SORCS2: variants seen among roughly 807,000 people sequenced by gnomAD.
SORCS2 encodes the protein VPS10 domain-containing receptor SorCS2.
A neutral mutation model predicts 141.6 loss-of-function variants in SORCS2; 100 were observed. That is an observed-to-expected ratio of 0.71 (90% CI 0.60 to 0.83). The LOEUF (loss-of-function observed/expected upper bound fraction) is 0.83, where lower values mean the gene tolerates loss of function less well. Among genes scored for constraint, SORCS2 ranks in the 40% least tolerant of loss-of-function variants. The pLI is 0.00. For missense variants in SORCS2, 1,646 were observed against 1,560.2 expected, an observed-to-expected ratio of 1.05 and a Z score of -0.93; for synonymous variants, 789 against 676.9, an observed-to-expected ratio of 1.17 and a Z score of -2.57.
intron 11 of SORCS2, among the ~76,000 whole-genome samples, chr4:7,691,769 C>A (rs149060412): frequency 4.5e-4 from 69 of 152,222 alleles, no homozygotes; most frequent in Middle Eastern, 3.4e-3. Flanking sequence ...ATTTAAAATG[C>A]ACTGTCTTGA....
chr4:7,625,968 G>A (rs1292677308), intron 3 of SORCS2, among the ~76,000 whole-genome samples: 6 of 152,038 alleles, frequency 3.9e-5, no homozygotes, highest in African/African-American at 1.4e-4. Context: ...GGGAGACCCT[G>A]TCTCTACAAA....
intron 2 of SORCS2, among the ~76,000 whole-genome samples, chr4:7,403,999 T>TATATATATA (rs57250297): frequency 3.8e-3 from 29 of 7,536 alleles, no homozygotes; most frequent in African/African-American, 8.1e-3. Flanking sequence ...ATATATATAT[T>TATATATATA]TTTTTTTTTT....
intron 2 of SORCS2, among the ~76,000 whole-genome samples, chr4:7,459,811 C>T (rs1417611093): frequency 6.6e-6 from 1 of 152,212 alleles, no homozygotes; most frequent in East Asian, 1.9e-4. Context: ...TCCTGTGAAG[C>T]CAGCCTGGTC....
chr4:7,592,213 C>T (rs1188172178), intron 3 of SORCS2, among the ~76,000 whole-genome samples: 1 of 152,152 alleles, frequency 6.6e-6, no homozygotes, highest in East Asian at 1.9e-4. Flanking sequence ...TGGGCTCCCC[C>T]AACTACCCAC....
intron 1 of SORCS2, among the ~76,000 whole-genome samples, chr4:7,294,058 A>C (rs1394636219): frequency 6.6e-6 from 1 of 152,124 alleles, no homozygotes; most frequent in Non-Finnish European, 1.5e-5. Flanking sequence ...TACCTTCCGG[A>C]AGGTCAGGTA....
chr4:7,365,533 C>T (rs1285873566), intron 1 of SORCS2, among the ~76,000 whole-genome samples: 2 of 152,024 alleles, frequency 1.3e-5, no homozygotes, highest in African/African-American at 4.8e-5. Flanking sequence ...TTTTACAATC[C>T]AGAACAATTT....
intron 1 of SORCS2, among the ~76,000 whole-genome samples, chr4:7,285,433 T>C (rs967943616): frequency 9.9e-5 from 15 of 152,212 alleles, no homozygotes; most frequent in Non-Finnish European, 1.5e-4. Context: ...GGACCAGTCA[T>C]GTAGGAGGCC....
At chr4:7,612,751 T>C (rs16840656) in intron 3 of SORCS2, among the ~76,000 whole-genome samples, 2,575 of 152,312 alleles carry the variant, frequency 0.017, 72 homozygotes, top group African/African-American at 0.056. Flanking sequence ...ATGCACACTC[T>C]ATTATGCTGT....
At chr4:7,550,068 C>T (rs1201857150) in intron 3 of SORCS2, among the ~76,000 whole-genome samples, 3 of 147,278 alleles carry the variant, frequency 2.0e-5, no homozygotes, top group Admixed American at 6.9e-5. Flanking sequence ...GAAATAGCAG[C>T]TCCTCTTCAC....
intron 3 of SORCS2, among the ~76,000 whole-genome samples, chr4:7,593,335 A>G (rs931576187): frequency 2.0e-5 from 3 of 152,218 alleles, no homozygotes; most frequent in Non-Finnish European, 4.4e-5. Context: ...GCTGTTTAAC[A>G]GGGGAGCAGC....
At chr4:7,599,326 G>A (rs1185142790) in intron 3 of SORCS2, among the ~76,000 whole-genome samples, 1 of 152,128 alleles carries the variant, frequency 6.6e-6, no homozygotes, top group African/African-American at 2.4e-5. Flanking sequence ...CTGAAGTGGC[G>A]GTGATCCACG....
At chr4:7,586,085 C>T (rs1189519166) in intron 3 of SORCS2, among the ~76,000 whole-genome samples, 1 of 152,214 alleles carries the variant, frequency 6.6e-6, no homozygotes, top group Non-Finnish European at 1.5e-5. Flanking sequence ...AGGCATTGCT[C>T]TCTCTTTGGC....
At chr4:7,476,317 G>A (rs1448219155) in intron 2 of SORCS2, among the ~76,000 whole-genome samples, 1 of 152,184 alleles carries the variant, frequency 6.6e-6, no homozygotes, top group African/African-American at 2.4e-5. Context: ...GAACCTGTAG[G>A]TCAGGCCTGC....
intron 2 of SORCS2, among the ~76,000 whole-genome samples, chr4:7,529,971 C>G (rs1733921870): frequency 6.6e-6 from 1 of 152,116 alleles, no homozygotes; most frequent in Non-Finnish European, 1.5e-5. Context: ...GGTTGGGGGT[C>G]TGCTCTTTGT....
At chr4:7,684,671 C>T (rs1357604897) in intron 10 of SORCS2, among the ~76,000 whole-genome samples, 1 of 152,242 alleles carries the variant, frequency 6.6e-6, no homozygotes, top group East Asian at 1.9e-4. Context: ...GGTTTATATT[C>T]AGCAAATCTG....
intron 1 of SORCS2, among the ~76,000 whole-genome samples, chr4:7,256,447 T>A (rs1713877796): frequency 1.3e-5 from 2 of 152,140 alleles, no homozygotes. Context: ...GAGACTTGGC[T>A]CCTCAGATGG....
chr4:7,526,003 C>A (rs537239856), intron 2 of SORCS2, among the ~76,000 whole-genome samples: 1 of 127,882 alleles, frequency 7.8e-6, no homozygotes, highest in Non-Finnish European at 1.7e-5. Flanking sequence ...CCTGCAGTCA[C>A]CTGTCCCCTC....
intron 1 of SORCS2, among the ~76,000 whole-genome samples, chr4:7,285,088 A>T (rs1438464154): frequency 6.6e-6 from 1 of 150,634 alleles, no homozygotes; most frequent in African/African-American, 2.4e-5. Flanking sequence ...ACTCGAGTGC[A>T]GTGGCATGAT....
chr4:7,690,181 G>A (rs2108985706), intron 11 of SORCS2, among the ~76,000 whole-genome samples: 1 of 150,786 alleles, frequency 6.6e-6, no homozygotes, highest in Admixed American at 6.6e-5. Context: ...GTGGATAGAC[G>A]AGTAGATGGA....
Sources: allele counts gnomAD v4.1 joint callset (sites outside exome capture counted in the v4.1 genomes callset), GRCh38; gene constraint gnomAD v4.1.1; transcripts MANE v1.5; gene names NCBI Gene and HGNC (gene_info 2026-07-23, HGNC 2026-07-21).